RBBP8: variants seen among roughly 807,000 people sequenced by gnomAD.
The protein encoded by RBBP8 is DNA endonuclease RBBP8.
RBBP8 carries 88 observed loss-of-function variants against 108.3 expected under a neutral mutation model. The ratio of observed to expected loss-of-function variants is 0.81; its 90% CI spans 0.68 to 0.97. The LOEUF (loss-of-function observed/expected upper bound fraction) is 0.97. Among genes scored for constraint, RBBP8 ranks in the 50% least tolerant of loss-of-function variants. RBBP8 has a pLI of 0.00. For synonymous variants in RBBP8, 332 were observed against 348.2 expected (o/e 0.95, Z 0.52); for missense variants, 1,023 against 1,049.0 (o/e 0.98, Z 0.34).
At chr18:22,969,630 G>A (rs1403373864) in intron 5 of RBBP8, among the ~76,000 whole-genome samples, 1 of 152,042 alleles carries the variant, frequency 6.6e-6, no homozygotes, top group Non-Finnish European at 1.5e-5. Flanking sequence ...TTTAAAAGAG[G>A]TAAGAAAGAA....
At position 22,970,998 on chromosome 18, in the gene RBBP8, A is replaced by C. The variant is rs1038385797; in HGVS notation, c.361+2080A>C. ...AACATGGAATGTGAAGTAGAAATTT[A>C]CCATCTTTAGAATTTGCAGGCATTC... On this transcript the variant is annotated intron_variant, in intron 5 of 18. Coordinates refer to ENST00000327155, the MANE Select transcript of RBBP8 (RefSeq NM_002894.3). Among the ~76,000 whole-genome samples the C allele has an allele frequency of 1.1e-4, 17 of 152,230 alleles. 1 individual carries two copies. The highest frequency in any genetic ancestry group is 1.1e-3 in the Admixed American group (17 of 15,288).
At position 22,996,374 on chromosome 18, in the gene RBBP8, A is replaced by G. The variant is rs571121362; in HGVS notation, c.1940A>G (p.Asp647Gly). 6.2e-6 allele frequency: 10 copies of G among 1,613,494 alleles called. No homozygotes were observed. Among genetic ancestry groups the G allele is most frequent in the Admixed American group, 3.3e-5 (2 of 60,016 alleles). Residue 647 changes from aspartate to glycine, a missense_variant and splice_region_variant, in exon 13 of 19, where the codon GAT becomes GGT. Coordinates refer to ENST00000327155, the MANE Select transcript of RBBP8 (RefSeq NM_002894.3). The stretch of plus-strand genomic sequence containing the variant: ...TGCATGCTCTTTCCCTTTACCTAAG[A>G]TGTATCCTTTGAAAATATCCAGTGG... ...GKIKSLQNNQ[D>G]VSFENIQWSI...
intron 13 of RBBP8, 125 bp from the exon 14 acceptor site, chr18:22,997,495 G>A: frequency 1.4e-6 from 1 of 699,012 alleles, no homozygotes; most frequent in Non-Finnish European, 2.5e-6. Flanking sequence ...AGCAAATATA[G>A]CTTAATGCTT....
chr18:22,941,961 A>C (rs1020107576), intron 2 of RBBP8, among the ~76,000 whole-genome samples: 2 of 152,138 alleles, frequency 1.3e-5, no homozygotes, highest in South Asian at 2.1e-4. Flanking sequence ...ATTTTAAAAC[A>C]TTTTGGTTTG....
chr18:22,930,634 G>A (rs1256418387), upstream of RBBP8, among the ~76,000 whole-genome samples: 1 of 152,110 alleles, frequency 6.6e-6, no homozygotes, highest in East Asian at 1.9e-4. Flanking sequence ...AATTTTGAAT[G>A]TACCCAAAGG....
chr18:22,987,135 C>T (rs181695158), intron 8 of RBBP8, among the ~76,000 whole-genome samples: 19 of 152,254 alleles, frequency 1.2e-4, no homozygotes, highest in Non-Finnish European at 4.4e-5. Flanking sequence ...TACTCAATAT[C>T]TCTACTTTAC....
rs1222960014 is a variant in RBBP8 at position 22,982,396 on chromosome 18, AAG to A, written c.604+6_604+7del. On this transcript the variant is annotated splice_donor_5th_base_variant and intron_variant, in intron 7 of 18. Transcript: ENST00000327155. ...GGAGCACTCTGTGTGTGCAAATGGT[AAG>A]AGTTGGAGTTGTATTTTAGTTCTCT... 1.2e-5 allele frequency: 19 copies of A among 1,613,670 alleles called. No individual in the cohort carries two copies. The Admixed American group carries it at 3.2e-4, about 27-fold the overall frequency.
intron 4 of RBBP8, among the ~76,000 whole-genome samples, chr18:22,955,318 C>T (rs1175674652): frequency 6.6e-6 from 1 of 152,088 alleles, no homozygotes; most frequent in Non-Finnish European, 1.5e-5. Context: ...AAATGCAAAT[C>T]CAAAATTTCC....
At chr18:22,929,499 TGTGTGTGTGTGAAGAGACAGGCGG>T (rs1436634679), upstream of RBBP8, 1 of 33,722 alleles carries the variant, frequency 3.0e-5, no homozygotes, top group African/African-American at 1.1e-4. Context: ...TGTGTGTGTG[TGTGTGTGTGTGAAGAGACAGGCGG>T]GTGTGTGTGT....
intron 15 of RBBP8, among the ~76,000 whole-genome samples, chr18:23,006,111 G>C (rs938316563): frequency 1.3e-5 from 2 of 151,860 alleles, no homozygotes; most frequent in Non-Finnish European, 2.9e-5. Flanking sequence ...GCGTGAACCC[G>C]GGAGGTGGAG....
At chr18:22,980,587 G>A (rs1914841404) in intron 6 of RBBP8, among the ~76,000 whole-genome samples, 1 of 152,148 alleles carries the variant, frequency 6.6e-6, no homozygotes, top group Admixed American at 6.6e-5. Context: ...GGAAAAATGG[G>A]AGGGGCACCA....
chr18:22,967,645 A>ATT lies in RBBP8; in HGVS notation c.249-1143_249-1142dup, dbSNP rs1410826642. Among the ~76,000 whole-genome samples, 409 of 131,504 alleles carry ATT rather than the reference A, an allele frequency of 3.1e-3. 1 individual carries two copies. Among genetic ancestry groups the ATT allele is most frequent in the African/African-American group, 0.011 (375 of 34,494 alleles). 86.3% of individuals were successfully genotyped at this position (131,504 alleles called of 152,430 possible). On this transcript the variant is annotated intron_variant, in intron 4 of 18. Transcript: ENST00000327155. ...AAATAATTAGTAAAAGCTATTTCGT[A>ATT]TTTTTTTTTTTTTTTTTTTGAGACG...
chr18:22,927,879 A>T (rs1909850943), intron 3 of RBBP8, among the ~76,000 whole-genome samples: 1 of 151,638 alleles, frequency 6.6e-6, no homozygotes, highest in Non-Finnish European at 1.5e-5. Context: ...TGGGCAACAG[A>T]GTGAGACTCT....
At chr18:23,020,787 G>A (rs928239636) in intron 17 of RBBP8, among the ~76,000 whole-genome samples, 3 of 152,034 alleles carry the variant, frequency 2.0e-5, no homozygotes, top group Admixed American at 6.6e-5. Flanking sequence ...TGCACTCACC[G>A]ACTACTGTTT....
At chr18:22,944,503 CAT>C (rs777886113) in intron 2 of RBBP8, among the ~76,000 whole-genome samples, 63 of 152,216 alleles carry the variant, frequency 4.1e-4, no homozygotes, top group South Asian at 8.3e-4. Context: ...GAAGGGAAAA[CAT>C]GTGCATGGAT....
At chr18:22,967,917 G>A (rs1913756504) in intron 4 of RBBP8, among the ~76,000 whole-genome samples, 2 of 152,104 alleles carry the variant, frequency 1.3e-5, no homozygotes, top group Non-Finnish European at 2.9e-5. Flanking sequence ...AAAGTGTTGG[G>A]ATTACAGGCG....
At chr18:23,008,874 C>A (rs867419603) in intron 16 of RBBP8, among the ~76,000 whole-genome samples, 1 of 147,304 alleles carries the variant, frequency 6.8e-6, no homozygotes, top group Non-Finnish European at 1.5e-5. Flanking sequence ...CCTGGGTTCA[C>A]GCCATTCTCC....
chr18:22,920,916 C>A (rs1299559947), intron 3 of RBBP8: 1 of 152,198 alleles, frequency 6.6e-6, no homozygotes, highest in East Asian at 1.9e-4. Flanking sequence ...TCAAATCTAA[C>A]CCATTAACAT....
intron 16 of RBBP8, among the ~76,000 whole-genome samples, chr18:23,011,861 C>T (rs1459297845): frequency 5.3e-5 from 8 of 152,026 alleles, no homozygotes; most frequent in African/African-American, 1.9e-4. Context: ...TCCCATCTCT[C>T]CTCCTCTTCT....
Sources: allele counts gnomAD v4.1 joint callset (sites outside exome capture counted in the v4.1 genomes callset), GRCh38; gene constraint gnomAD v4.1.1; transcripts MANE v1.5; gene names NCBI Gene and HGNC (gene_info 2026-07-23, HGNC 2026-07-21).